PLEKHG1: variants seen among roughly 807,000 people sequenced by gnomAD.
PLEKHG1 encodes pleckstrin homology domain-containing family G member 1.
PLEKHG1 carries 44 observed loss-of-function variants against 100.8 expected under a neutral mutation model. The ratio of observed to expected loss-of-function variants is 0.44; its 90% confidence interval spans 0.34 to 0.56. PLEKHG1 has a LOEUF of 0.56. Ranked by LOEUF, PLEKHG1 falls within the 20% of genes least tolerant of loss-of-function variation. The pLI, the probability that PLEKHG1 is intolerant of heterozygous loss-of-function variation, is 0.01. For missense variants in PLEKHG1, 1,545 were observed against 1,720.9 expected (o/e 0.90, Z 1.81); for synonymous variants, 640 against 662.5 (o/e 0.97, Z 0.52).
chr6:150,834,525 G>A (rs1177996647), intron 15 of PLEKHG1, among the ~76,000 whole-genome samples: 1 of 152,190 alleles, frequency 6.6e-6, no homozygotes, highest in African/African-American at 2.4e-5. Context: ...AAAATACAAA[G>A]CTCCAATCTT....
At position 150,650,797 on chromosome 6, in the gene PLEKHG1, T is replaced by G. The variant is rs1169644493; in HGVS notation, c.-99+11T>G. ...GTTTCAACTATAAAAGTGAGCTCTT[T>G]TCATTTTTTTGCCCCTTGAGTATGA... On this transcript the variant is annotated intron_variant, in intron 3 of 3. Transcript: ENST00000367326. The G allele has an allele frequency of 3.9e-5, 6 of 152,222 alleles. No individual in the cohort carries two copies. Among genetic ancestry groups the G allele is most frequent in the Non-Finnish European group, 8.8e-5 (6 of 68,042 alleles). 9.4% of individuals were successfully genotyped at this position (152,222 alleles called of 1,614,324 possible). A position where few individuals can be genotyped will look rare whatever the true frequency, so the allele number is the denominator to read the frequency against.
chr6:150,772,750 T>C (rs1434704068), intron 3 of PLEKHG1, among the ~76,000 whole-genome samples: 1 of 152,224 alleles, frequency 6.6e-6, no homozygotes, highest in African/African-American at 2.4e-5. Context: ...ATATTATCCA[T>C]TGGTGATGAT....
At chr6:150,667,584 A>G (rs1254157470) in intron 3 of PLEKHG1, among the ~76,000 whole-genome samples, 1 of 152,344 alleles carries the variant, frequency 6.6e-6, no homozygotes, top group Admixed American at 6.5e-5. Flanking sequence ...TATTTATAGC[A>G]GTCTACTTTT....
At chr6:150,604,193 G>A (rs552630509) in intron 1 of PLEKHG1, among the ~76,000 whole-genome samples, 1 of 152,228 alleles carries the variant, frequency 6.6e-6, no homozygotes, top group Admixed American at 6.5e-5. Context: ...TCTCATAAGA[G>A]GAATTATTAA....
At chr6:150,667,559 G>A (rs571573820) in intron 3 of PLEKHG1, among the ~76,000 whole-genome samples, 2 of 152,202 alleles carry the variant, frequency 1.3e-5, no homozygotes, top group Non-Finnish European at 2.9e-5. Flanking sequence ...ACAGCCTCCT[G>A]TGGTTTATTA....
chr6:150,802,675 T>C (rs1583160470), intron 6 of PLEKHG1, among the ~76,000 whole-genome samples: 2 of 151,670 alleles, frequency 1.3e-5, no homozygotes, highest in South Asian at 4.2e-4. Context: ...TTTTTTTTTT[T>C]TTTTGAGATG....
At chr6:150,699,690 C>T (rs1392389020) in intron 3 of PLEKHG1, among the ~76,000 whole-genome samples, 1 of 152,164 alleles carries the variant, frequency 6.6e-6, no homozygotes, top group Non-Finnish European at 1.5e-5. Flanking sequence ...CCCGCGAGGC[C>T]ATGAAAATTA....
At chr6:150,809,221 C>G (rs899576299) in exon 8 of PLEKHG1, 1 of 1,614,214 alleles carries the variant, frequency 6.2e-7, no homozygotes, top group Admixed American at 1.7e-5. Context: ...CGCTCTTCCT[C>G]TTCGACAAGC....
chr6:150,837,803 A>G (rs558291337), intron 15 of PLEKHG1, among the ~76,000 whole-genome samples: 1 of 152,386 alleles, frequency 6.6e-6, no homozygotes, highest in Admixed American at 6.5e-5. Flanking sequence ...GGAGACTTTT[A>G]CACTCTTTCT....
intron 4 of PLEKHG1, among the ~76,000 whole-genome samples, chr6:150,794,463 C>T (rs1236453280): frequency 1.3e-5 from 2 of 152,118 alleles, no homozygotes; most frequent in East Asian, 3.9e-4. Context: ...GCCAGGAGTT[C>T]GAGACCAGCC....
In PLEKHG1 at chr6:150,667,086, G is replaced by A. The variant is rs183894531; in HGVS notation, c.-99+16300G>A. Among the ~76,000 whole-genome samples the A allele has an allele frequency of 6.7e-3, 1,022 of 152,222 alleles. 12 individuals carry two copies. Among genetic ancestry groups the A allele is most frequent in the African/African-American group, 0.023 (967 of 41,540 alleles). On this transcript the variant is annotated intron_variant, in intron 3 of 3. Transcript: ENST00000367326. ...TAAGATTTTTAAATTTTCTCCAAAA[G>A]GGGGTGTGTGTGTGTTTGTGTGTGT...
intron 2 of PLEKHG1, among the ~76,000 whole-genome samples, chr6:150,645,654 A>G (rs7746507): frequency 0.014 from 2,074 of 152,320 alleles, 46 homozygotes; most frequent in African/African-American, 0.047. Flanking sequence ...GCTCAACCTC[A>G]GTAATTAGGA....
chr6:150,610,164 C>T (rs1423365483), intron 1 of PLEKHG1, among the ~76,000 whole-genome samples: 5 of 152,128 alleles, frequency 3.3e-5, no homozygotes, highest in African/African-American at 9.7e-5. Context: ...TGCAGTGGTG[C>T]GATCTCAGCT....
chr6:150,723,258 A>G (rs1367983826), intron 1 of PLEKHG1, among the ~76,000 whole-genome samples: 1 of 152,182 alleles, frequency 6.6e-6, no homozygotes, highest in Non-Finnish European at 1.5e-5. Flanking sequence ...GTGCAGAGCC[A>G]GGGCAAACAT....
intron 3 of PLEKHG1, among the ~76,000 whole-genome samples, chr6:150,688,121 C>T (rs1780205694): frequency 6.6e-6 from 1 of 151,850 alleles, no homozygotes; most frequent in African/African-American, 2.4e-5. Context: ...TTTGTAAAAC[C>T]TAGGCATTCC....
chr6:150,804,177 T>TATATATATATA (rs56138913), intron 6 of PLEKHG1, among the ~76,000 whole-genome samples: 2 of 24,400 alleles, frequency 8.2e-5, no homozygotes, highest in Non-Finnish European at 1.3e-4. Context: ...ATATATATAT[T>TATATATATATA]TTTTTTTTTT....
At chr6:150,639,732 C>T (rs1323756344) in intron 2 of PLEKHG1, among the ~76,000 whole-genome samples, 8 of 152,006 alleles carry the variant, frequency 5.3e-5, no homozygotes, top group African/African-American at 1.7e-4. Flanking sequence ...TCATGTTTAT[C>T]GTGTAGCTGT....
At chr6:150,729,037 GT>G (rs1201442707) in intron 1 of PLEKHG1, among the ~76,000 whole-genome samples, 1 of 152,112 alleles carries the variant, frequency 6.6e-6, no homozygotes, top group Non-Finnish European at 1.5e-5. Flanking sequence ...TTTATACTAA[GT>G]TACTGAAATC....
At chr6:150,810,535 A>AAAGAAAGG (rs1562540297) in intron 10 of PLEKHG1, among the ~76,000 whole-genome samples, 1 of 127,512 alleles carries the variant, frequency 7.8e-6, no homozygotes, top group African/African-American at 3.0e-5. Context: ...AGAAAGAAAG[A>AAAGAAAGG]AAGGAAGAAA....
Sources: gnomAD v4.1 joint callset for allele counts (sites outside exome capture counted in the v4.1 genomes callset) on GRCh38, gnomAD v4.1.1 for gene constraint, MANE v1.5 for transcripts, NCBI Gene and HGNC (gene_info 2026-07-23, HGNC 2026-07-21) for gene names.